The following TARBP1 variants were observed in gnomAD, a reference collection of about 807,000 sequenced individuals.
The protein encoded by TARBP1 is tRNA (guanosine(18)-2'-O)-methyltransferase TARBP1.
A neutral mutation model predicts 178.6 loss-of-function variants in TARBP1; 144 were observed. The ratio of observed to expected loss-of-function variants is 0.81; its 90% confidence interval spans 0.70 to 0.93. The LOEUF (loss-of-function observed/expected upper bound fraction) is 0.93. TARBP1 is among the 40% of genes least tolerant of loss of function. The pLI, the probability that TARBP1 is intolerant of heterozygous loss-of-function variation, is 0.00. For synonymous variants in TARBP1, 787 were observed against 781.0 expected, an observed-to-expected ratio of 1.01 and a Z score of -0.13; for missense variants, 2,067 against 2,011.7, an observed-to-expected ratio of 1.03 and a Z score of -0.53.
intron 22 of TARBP1, among the ~76,000 whole-genome samples, chr1:234,413,588 A>C (rs780176302): frequency 1.2e-4 from 19 of 152,212 alleles, no homozygotes; most frequent in Non-Finnish European, 2.2e-4. Flanking sequence ...ACACAGAGAG[A>C]CTAGAGAGGA....
In TARBP1 at chr1:234,391,438, A is replaced by G; in HGVS notation, c.*139T>C. 2 of 869,856 alleles carry G rather than the reference A, an allele frequency of 2.3e-6. No homozygotes were observed. The highest frequency in any genetic ancestry group is 4.8e-5 in the South Asian group (2 of 41,900). 53.9% of individuals were successfully genotyped at this position (869,856 alleles called of 1,614,324 possible). ...ATATATAGTAATATGTTTAAGGCAC[A>G]TGGCAAACTTTTGGCATTAAATTGC... is the stretch of plus-strand genomic sequence containing the variant. On this transcript the variant is annotated 3_prime_UTR_variant, in exon 30 of 30. Coordinates refer to ENST00000040877, the MANE Select transcript of TARBP1 (RefSeq NM_005646.4).
At chr1:234,401,149 T>C (rs772926403) in intron 25 of TARBP1, 32 bp downstream of exon 25, 1 of 1,555,400 alleles carries the variant, frequency 6.4e-7, no homozygotes, top group Non-Finnish European at 8.8e-7. Context: ...AAAGATACAA[T>C]AGAGAATTTA....
rs781664521 is a variant in TARBP1, at chr1:234,479,084, T to C, written c.20A>G (p.Glu7Gly). Residue 7 changes from glutamate to glycine, a missense_variant, in exon 1 of 30, where the codon GAA becomes GGA. Glu to Gly is a moderately conservative substitution (Grantham distance 98, BLOSUM62 -2). Coordinates refer to ENST00000040877, the MANE Select transcript of TARBP1 (RefSeq NM_005646.4). Reference protein sequence around the residue: MEWVLAEALLSQSRDPR... With the variant: MEWVLAGALLSQSRDPR... ...GTCCCGGCTCTGCGAGAGCAGCGCTTCCGCGAGCACCCACTCCATTTGCCG... is the reference window on the plus strand; with the variant it reads ...GTCCCGGCTCTGCGAGAGCAGCGCTCCCGCGAGCACCCACTCCATTTGCCG... 1.3e-6 allele frequency: 2 copies of C among 1,539,154 alleles called. No homozygotes were observed. Among genetic ancestry groups the C allele is most frequent in the Admixed American group, 3.9e-5 (2 of 51,432 alleles).
At chr1:234,431,038 T>TA (rs1317311973) in intron 14 of TARBP1, among the ~76,000 whole-genome samples, 2 of 152,308 alleles carry the variant, frequency 1.3e-5, no homozygotes, top group East Asian at 3.9e-4. Flanking sequence ...GGTCTATACT[T>TA]AAAGAGAAAA....
Position 234,391,642 on chromosome 1 carries a change from C to T in TARBP1, c.4801G>A (p.Gly1601Arg), listed in dbSNP as rs1216198337. 6.2e-7 allele frequency: 1 copy of T among 1,613,680 alleles called. No homozygotes were observed. The highest frequency in any genetic ancestry group is 1.1e-5 in the South Asian group (1 of 91,016). ...IIRSLNVHVS[G>R]ALLIWEYTRQ... ...GTGTACTCCCAGATCAGCAGGGCTC[C>T]ACTCACATGGACATTCAGGGAGCGG... is the stretch of plus-strand genomic sequence containing the variant. The change falls in exon 30 of 30, where the codon GGA becomes AGA. Residue 1601 changes from glycine to arginine, a missense_variant. Physicochemically the swap from Gly to Arg is moderately radical, Grantham distance 125. Transcript: ENST00000040877.
chr1:234,402,580 T>G (rs958753350), intron 24 of TARBP1, among the ~76,000 whole-genome samples: 1 of 150,448 alleles, frequency 6.6e-6, no homozygotes, highest in Non-Finnish European at 1.5e-5. Context: ...ACTTTGTTTG[T>G]TTGTTTTTTT....
At position 234,429,080 on chromosome 1, in the gene TARBP1, T is replaced by C. The variant is rs2103124823; in HGVS notation, c.3060+56A>G. 4 of 1,454,160 alleles carry C rather than the reference T, an allele frequency of 2.8e-6. No homozygotes were observed. The South Asian group carries it at 4.5e-5, about 16-fold the overall frequency. The allele number at this position is 1,454,160 out of a possible 1,614,324, so 90.1% of individuals were successfully genotyped here. On this transcript the variant is annotated intron_variant, in intron 17 of 29. Transcript: ENST00000040877. ...GTGAATACAACTCTCATGTTCCTCATGTGCTGAAGCTCACACACATGAAAA... is the reference window on the plus strand; with the variant it reads ...GTGAATACAACTCTCATGTTCCTCACGTGCTGAAGCTCACACACATGAAAA...
chr1:234,432,353 A>T (rs1237963777), intron 14 of TARBP1, among the ~76,000 whole-genome samples: 3 of 152,100 alleles, frequency 2.0e-5, no homozygotes, highest in Admixed American at 1.3e-4. Flanking sequence ...GAGATAGGAG[A>T]ACTGCTTGAA....
intron 26 of TARBP1, among the ~76,000 whole-genome samples, chr1:234,396,299 T>G (rs183009858): frequency 2.0e-5 from 3 of 152,192 alleles, no homozygotes; most frequent in Non-Finnish European, 4.4e-5. Context: ...CCAACCGCAC[T>G]GGGAAGTGCC....
chr1:234,436,482 C>T (rs972835377), intron 13 of TARBP1, among the ~76,000 whole-genome samples: 2 of 152,112 alleles, frequency 1.3e-5, no homozygotes, highest in African/African-American at 2.4e-5. Context: ...ATTCCCCACT[C>T]CAAAGAGATT....
chr1:234,459,526 T>C (rs932531540), intron 7 of TARBP1, among the ~76,000 whole-genome samples, 200 bp from the exon 8 acceptor site: 1 of 152,108 alleles, frequency 6.6e-6, no homozygotes, highest in Non-Finnish European at 1.5e-5. Context: ...AAAATAAGAC[T>C]ATAGGCCGGG....
At chr1:234,402,928 T>C (rs1407492094) in intron 24 of TARBP1, among the ~76,000 whole-genome samples, 6 of 152,142 alleles carry the variant, frequency 3.9e-5, no homozygotes, top group Admixed American at 3.9e-4. Flanking sequence ...CCCCTAATTA[T>C]GCTATCGAAT....
intron 14 of TARBP1, among the ~76,000 whole-genome samples, chr1:234,431,458 G>A (rs1457389682): frequency 6.6e-6 from 1 of 152,204 alleles, no homozygotes; most frequent in Admixed American, 6.5e-5. Context: ...ACAGGATGCT[G>A]AAATATTAAT....
chr1:234,463,459 A>G (rs1237610587), intron 6 of TARBP1, among the ~76,000 whole-genome samples: 1 of 152,164 alleles, frequency 6.6e-6, no homozygotes, highest in Admixed American at 6.5e-5. Flanking sequence ...GTTAATATCT[A>G]TAAAGGGACA....
At chr1:234,459,808 G>C (rs1667659735) in intron 7 of TARBP1, among the ~76,000 whole-genome samples, 1 of 148,888 alleles carries the variant, frequency 6.7e-6, no homozygotes, top group Non-Finnish European at 1.5e-5. Flanking sequence ...CGAGACTCCA[G>C]CTCAAAAAAA....
chr1:234,428,411 G>A (rs1322241471), intron 17 of TARBP1, among the ~76,000 whole-genome samples: 3 of 152,130 alleles, frequency 2.0e-5, no homozygotes, highest in African/African-American at 7.2e-5. Flanking sequence ...AAGTATCCGG[G>A]TGAAATGAGA....
Position 234,430,290 on chromosome 1 carries a change from A to C in TARBP1, c.2406T>G (p.Val802=). The C allele has an allele frequency of 6.2e-7, 1 of 1,613,618 alleles. No homozygotes were observed. The highest frequency in any genetic ancestry group is 8.5e-7 in the Non-Finnish European group (1 of 1,179,904). The change falls in exon 15 of 30, where the codon GTT becomes GTG. Residue 802 remains valine, a synonymous_variant. Coordinates refer to ENST00000040877, the MANE Select transcript of TARBP1 (RefSeq NM_005646.4). ...TCACTACTCTCTGAATCTGACTTCCAACTGTTGGCTCCTGAAAAGGAAATG... is the reference window on the plus strand; with the variant it reads ...TCACTACTCTCTGAATCTGACTTCCCACTGTTGGCTCCTGAAAAGGAAATG... The part of the protein sequence containing the change: ...QEMDSGQEPT[V]GSQIQRVVSM...
intron 8 of TARBP1, among the ~76,000 whole-genome samples, chr1:234,458,835 C>A (rs1347871935): frequency 1.3e-5 from 2 of 152,234 alleles, no homozygotes; most frequent in Non-Finnish European, 2.9e-5. Flanking sequence ...CAGTGAAAGT[C>A]TGTCTACCAG....
chr1:234,444,656 C>T lies in TARBP1; in HGVS notation c.2134+2147G>A, dbSNP rs1288549518. Among the ~76,000 whole-genome samples the T allele has an allele frequency of 3.3e-5, 5 of 152,052 alleles. No individual in the cohort carries two copies. The East Asian group carries it at 9.7e-4, about 29-fold the overall frequency. ...TTATACCCTGTCCTCACACTGCCAA[C>T]ACTTCCATCCCCACCCTCACTCTAT... On this transcript the variant is annotated intron_variant, in intron 12 of 29. Coordinates refer to ENST00000040877, the MANE Select transcript of TARBP1 (RefSeq NM_005646.4).
Sources: gnomAD v4.1 joint callset for allele counts (sites outside exome capture counted in the v4.1 genomes callset) on GRCh38, gnomAD v4.1.1 for gene constraint, MANE v1.5 for transcripts, NCBI Gene and HGNC (gene_info 2026-07-23, HGNC 2026-07-21) for gene names.